Variants in MYO6 observed in about 807,000 individuals in gnomAD.
The protein encoded by MYO6 is unconventional myosin-VI.
In MYO6, 74 loss-of-function variants were observed where a neutral mutation model predicts 178.7. The ratio of observed to expected loss-of-function variants is 0.41; its 90% confidence interval spans 0.34 to 0.50. MYO6 has a LOEUF of 0.50. Among genes scored for constraint, MYO6 ranks in the 20% least tolerant of loss-of-function variants. The pLI, the probability that MYO6 is intolerant of heterozygous loss-of-function variation, is 0.09. For synonymous variants in MYO6, 477 were observed against 504.6 expected (o/e 0.95, Z 0.73); for missense variants, 1,330 against 1,547.4 (o/e 0.86, Z 2.36).
intron 1 of MYO6, among the ~76,000 whole-genome samples, chr6:75,806,012 T>G (rs765811281): frequency 2.0e-5 from 3 of 152,164 alleles, no homozygotes; most frequent in Non-Finnish European, 4.4e-5. Flanking sequence ...GAACAGATAT[T>G]AACATATCTG....
intron 19 of MYO6, among the ~76,000 whole-genome samples, chr6:75,872,353 T>TA (rs1359869224): frequency 1.3e-5 from 2 of 152,238 alleles, no homozygotes; most frequent in African/African-American, 2.4e-5. Flanking sequence ...TGAATGCCTT[T>TA]AAGCTTTAAA....
At chr6:75,907,202 C>T (rs1780395032) in intron 30 of MYO6, among the ~76,000 whole-genome samples, 1 of 152,140 alleles carries the variant, frequency 6.6e-6, no homozygotes, top group Non-Finnish European at 1.5e-5. Context: ...TGCTCATAAA[C>T]AAAACTTTAA....
intron 28 of MYO6, 64 bp from the exon 29 acceptor site, chr6:75,895,167 A>G: frequency 7.7e-7 from 1 of 1,294,022 alleles, no homozygotes; most frequent in Non-Finnish European, 1.1e-6. Flanking sequence ...ACAAATTTGC[A>G]CAATCCAGAT....
In MYO6 at chr6:75,875,329, C is replaced by G. The variant is rs1364135904; in HGVS notation, c.2077+2029C>G. 2.0e-5 allele frequency among the ~76,000 whole-genome samples: 3 copies of G among 152,248 alleles called. No individual in the cohort carries two copies. The East Asian group carries it at 5.8e-4, about 29-fold the overall frequency. ...TTATTCTGTTACCCAGGCTGGAGTG[C>G]AGTGGCACAATCATGGCTCACTGCA... On this transcript the variant is annotated intron_variant, in intron 20 of 34. Transcript: ENST00000369977.
chr6:75,910,687 A>G (rs1780692513), intron 32 of MYO6, among the ~76,000 whole-genome samples: 1 of 152,160 alleles, frequency 6.6e-6, no homozygotes, highest in African/African-American at 2.4e-5. Context: ...TGCTCTGAAA[A>G]GTACTTTTTT....
At chr6:75,913,890 G>A (rs565841585) in intron 33 of MYO6, among the ~76,000 whole-genome samples, 173 bp from the exon 34 acceptor site, 1 of 152,070 alleles carries the variant, frequency 6.6e-6, no homozygotes, top group Non-Finnish European at 1.5e-5. Context: ...ATTCTAAGAA[G>A]TAACACTCTG....
intron 8 of MYO6, 61 bp from the exon 9 acceptor site, chr6:75,841,153 G>T: frequency 2.7e-6 from 4 of 1,465,582 alleles, no homozygotes; most frequent in Non-Finnish European, 3.8e-6. Flanking sequence ...TTTAACATTG[G>T]TTAATTATAT....
At chr6:75,864,459 TAAAAC>T (rs1289627292) in intron 16 of MYO6, among the ~76,000 whole-genome samples, 1 of 152,212 alleles carries the variant, frequency 6.6e-6, no homozygotes, top group Non-Finnish European at 1.5e-5. Flanking sequence ...GAGATAGAAA[TAAAAC>T]AATATGTATC....
intron 24 of MYO6, 114 bp downstream of exon 24, chr6:75,886,208 TG>T: frequency 2.9e-6 from 2 of 680,058 alleles, no homozygotes; most frequent in South Asian, 3.5e-5. Context: ...TCATGTTCTT[TG>T]TAAAATGATG....
intron 1 of MYO6, among the ~76,000 whole-genome samples, chr6:75,802,244 G>A (rs1289106165): frequency 6.6e-6 from 1 of 151,850 alleles, no homozygotes; most frequent in Non-Finnish European, 1.5e-5. Flanking sequence ...CGAGGTAGGC[G>A]GATCATCTGA....
At chr6:75,890,024 C>G (rs762188451) in intron 25 of MYO6, 33 bp from the exon 26 acceptor site, 4 of 1,469,828 alleles carry the variant, frequency 2.7e-6, no homozygotes, top group South Asian at 1.1e-5. Context: ...AAGAAATAAG[C>G]TTTTACGTAC....
Position 75,866,066 on chromosome 6 carries a change from G to A in MYO6, c.1675-460G>A, listed in dbSNP as rs111750609. 4.4e-3 allele frequency among the ~76,000 whole-genome samples: 643 copies of A among 147,044 alleles called. 7 individuals carry two copies. The highest frequency in any genetic ancestry group is 0.016 in the African/African-American group (613 of 39,244). On this transcript the variant is annotated intron_variant, in intron 16 of 34. Coordinates refer to ENST00000369977, the MANE Select transcript of MYO6 (RefSeq NM_004999.4). ...TGTGTTGGCACATTACTCATCTGAC[G>A]TGATAAAGATAGATTTTAAAAAGTT...
chr6:75,837,892 A>T (rs1353195706), intron 7 of MYO6, among the ~76,000 whole-genome samples: 3 of 152,178 alleles, frequency 2.0e-5, no homozygotes, highest in African/African-American at 7.2e-5. Context: ...GGGCTACCTC[A>T]GTAAAAGACT....
intron 30 of MYO6, among the ~76,000 whole-genome samples, chr6:75,904,763 G>A (rs548032226): frequency 6.6e-6 from 1 of 152,314 alleles, no homozygotes; most frequent in Admixed American, 6.5e-5. Flanking sequence ...TTGTTCCGTG[G>A]CTGGTGAGGA....
intron 1 of MYO6, among the ~76,000 whole-genome samples, chr6:75,780,055 A>G (rs560324527): frequency 6.6e-6 from 1 of 152,272 alleles, no homozygotes; most frequent in African/African-American, 2.4e-5. Flanking sequence ...TTTGAAATCT[A>G]CTTGTTGCAA....
intron 1 of MYO6, among the ~76,000 whole-genome samples, chr6:75,768,690 A>G (rs1256797010): frequency 6.6e-6 from 1 of 152,044 alleles, no homozygotes; most frequent in East Asian, 1.9e-4. Flanking sequence ...CCAATAATTC[A>G]TTTTAATACC....
chr6:75,886,284 C>T (rs189429789), intron 24 of MYO6, among the ~76,000 whole-genome samples, 190 bp downstream of exon 24: 5 of 152,086 alleles, frequency 3.3e-5, no homozygotes, highest in Non-Finnish European at 7.4e-5. Context: ...TTATTACTTG[C>T]CTCATTCTAT....
At position 75,826,171 on chromosome 6, in the gene MYO6, C is replaced by T. The variant is rs562439400; in HGVS notation, c.188-2369C>T. Among the ~76,000 whole-genome samples the T allele has an allele frequency of 1.6e-4, 25 of 152,274 alleles. No individual in the cohort carries two copies. The Middle Eastern group carries it at 0.01, about 62-fold the overall frequency. On this transcript the variant is annotated intron_variant, in intron 3 of 34. Transcript: ENST00000369977. ...TTTAGGGAGATGTAGGCAGTTGGGA[C>T]TTAGCATTTCACATTCTGGCAAGAC...
At chr6:75,765,986 C>CCACATATAATTG (rs1335353534) in intron 1 of MYO6, among the ~76,000 whole-genome samples, 2 of 152,056 alleles carry the variant, frequency 1.3e-5, no homozygotes, top group Non-Finnish European at 2.9e-5. Flanking sequence ...TATAATTGCA[C>CCACATATAATTG]CACTGAACTT....
Sources: gnomAD v4.1 joint callset for allele counts (sites outside exome capture counted in the v4.1 genomes callset) on GRCh38, gnomAD v4.1.1 for gene constraint, MANE v1.5 for transcripts, NCBI Gene and HGNC (gene_info 2026-07-23, HGNC 2026-07-21) for gene names.